COL19A1: variants seen among roughly 807,000 people sequenced by gnomAD.
COL19A1 encodes collagen type XIX alpha 1 chain.
Under a neutral mutation model 190.2 loss-of-function variants are expected in COL19A1, and 159 were observed. The observed-to-expected ratio is 0.84, with a 90% CI of 0.73 to 0.95. The LOEUF is 0.95. COL19A1 is among the 40% of genes least tolerant of loss of function. COL19A1 has a pLI of 0.00. For synonymous variants in COL19A1, 509 were observed against 458.9 expected (o/e 1.11, Z -1.39); for missense variants, 1,418 against 1,431.9 (o/e 0.99, Z 0.16).
At chr6:69,980,360 C>T (rs11969894) in intron 11 of COL19A1, among the ~76,000 whole-genome samples, 5,387 of 152,016 alleles carry the variant, frequency 0.035, 304 homozygotes, top group African/African-American at 0.12. Context: ...TTGGCACTAC[C>T]GAGTCTATCC....
At chr6:69,889,483 T>A (rs532538376) in intron 2 of COL19A1, among the ~76,000 whole-genome samples, 9 of 152,194 alleles carry the variant, frequency 5.9e-5, no homozygotes, top group Non-Finnish European at 1.3e-4. Context: ...CTTGGAGAAC[T>A]TTTCTGTCTA....
chr6:69,996,597 G>A (rs1268313794), intron 11 of COL19A1, among the ~76,000 whole-genome samples: 2 of 151,902 alleles, frequency 1.3e-5, no homozygotes, highest in Non-Finnish European at 2.9e-5. Flanking sequence ...CACTATACAT[G>A]TATTTTTTTA....
At chr6:70,065,593 C>A (rs551663296) in intron 14 of COL19A1, among the ~76,000 whole-genome samples, 10 of 152,164 alleles carry the variant, frequency 6.6e-5, no homozygotes, top group East Asian at 1.9e-4. Context: ...GCAACAAAAG[C>A]CAAAATTGAC....
intron 11 of COL19A1, among the ~76,000 whole-genome samples, chr6:70,007,875 T>G (rs760352899): frequency 1.3e-5 from 2 of 151,932 alleles, no homozygotes; most frequent in Non-Finnish European, 2.9e-5. Flanking sequence ...ATAAAGTATG[T>G]TTTTGGTCAC....
intron 15 of COL19A1, among the ~76,000 whole-genome samples, chr6:70,095,590 G>A (rs966847186): frequency 5.9e-5 from 9 of 152,168 alleles, no homozygotes; most frequent in Admixed American, 2.0e-4. Context: ...ATACACTTCA[G>A]TAGTGTCAAG....
chr6:70,187,327 C>T (rs59200511), intron 46 of COL19A1, among the ~76,000 whole-genome samples: 72 of 98,088 alleles, frequency 7.3e-4, no homozygotes, highest in African/African-American at 2.5e-3. Context: ...TCACACTCAA[C>T]GTGCACACAC....
chr6:70,033,157 C>T (rs776573484), intron 12 of COL19A1, among the ~76,000 whole-genome samples: 1 of 152,020 alleles, frequency 6.6e-6, no homozygotes, highest in Non-Finnish European at 1.5e-5. Context: ...AAATGTTTTT[C>T]TTAAAGTATA....
At chr6:70,134,966 C>A (rs1227945447) in intron 18 of COL19A1, among the ~76,000 whole-genome samples, 1 of 138,554 alleles carries the variant, frequency 7.2e-6, no homozygotes, top group African/African-American at 2.6e-5. Flanking sequence ...ATCGAAAGCC[C>A]CGTGTTGTTT....
intron 15 of COL19A1, among the ~76,000 whole-genome samples, chr6:70,070,920 C>A (rs3806003): frequency 0.22 from 32,759 of 151,946 alleles, 6,850 homozygotes; most frequent in African/African-American, 0.55. Context: ...ATGTTAAAAA[C>A]CTCTTGTATT....
chr6:70,005,979 C>G (rs894850121), intron 11 of COL19A1, among the ~76,000 whole-genome samples: 11 of 152,138 alleles, frequency 7.2e-5, no homozygotes, highest in Non-Finnish European at 1.6e-4. Flanking sequence ...TGGGGGATAC[C>G]TATTGGGACC....
intron 14 of COL19A1, among the ~76,000 whole-genome samples, chr6:70,048,376 G>A (rs929524924): frequency 2.0e-5 from 3 of 152,008 alleles, no homozygotes; most frequent in Non-Finnish European, 4.4e-5. Flanking sequence ...AAGTGATATG[G>A]TCCCTTTCCT....
At chr6:70,025,946 A>C (rs1778710631) in intron 12 of COL19A1, among the ~76,000 whole-genome samples, 1 of 152,210 alleles carries the variant, frequency 6.6e-6, no homozygotes, top group South Asian at 2.1e-4. Context: ...GTTCTGTGTG[A>C]GAAGGATACT....
rs1381053689 is a variant in COL19A1, at chr6:70,023,537, T to C, written c.1027-90T>C. 12 of 1,047,854 alleles carry C rather than the reference T, an allele frequency of 1.1e-5. No homozygotes were observed. In the Admixed American group the frequency reaches 2.6e-4, roughly 23 times the overall value. The allele number at this position is 1,047,854 out of a possible 1,614,324, so 64.9% of individuals were successfully genotyped here. A position where few individuals can be genotyped will look rare whatever the true frequency, so the allele number is the denominator to read the frequency against. ...AGGGTTTAGCAAAGTAATCATATTG[T>C]TATAAATACCCAACCAACATAACTT... On this transcript the variant is annotated intron_variant, in intron 11 of 50. Coordinates refer to ENST00000620364, the MANE Select transcript of COL19A1 (RefSeq NM_001858.6).
intron 4 of COL19A1, among the ~76,000 whole-genome samples, chr6:69,924,691 C>G (rs1213675911): frequency 6.6e-6 from 1 of 152,222 alleles, no homozygotes; most frequent in East Asian, 1.9e-4. Flanking sequence ...AACTAGTTCA[C>G]AGTCCCACCA....
intron 15 of COL19A1, among the ~76,000 whole-genome samples, chr6:70,085,365 T>A (rs765669842): frequency 6.6e-5 from 10 of 152,184 alleles, no homozygotes; most frequent in Non-Finnish European, 1.3e-4. Flanking sequence ...TGGAGCTCTG[T>A]CTCCTGAGTC....
intron 15 of COL19A1, among the ~76,000 whole-genome samples, chr6:70,095,231 T>G (rs909301902): frequency 6.6e-6 from 1 of 152,224 alleles, no homozygotes; most frequent in Non-Finnish European, 1.5e-5. Flanking sequence ...ATCAAATATA[T>G]ACTTTTCCAT....
intron 26 of COL19A1, 28 bp from the exon 27 acceptor site, chr6:70,146,784 G>T: frequency 6.3e-7 from 1 of 1,590,440 alleles, no homozygotes; most frequent in Non-Finnish European, 8.5e-7. Flanking sequence ...CTTGAGCCTT[G>T]CAGTAACAGA....
At chr6:70,180,629 A>T (rs972362036) in intron 44 of COL19A1, 106 bp downstream of exon 44, 1 of 1,189,748 alleles carries the variant, frequency 8.4e-7, no homozygotes, top group Non-Finnish European at 1.2e-6. Flanking sequence ...GCAGTTTCCA[A>T]GGAGTAAGAA....
intron 14 of COL19A1, among the ~76,000 whole-genome samples, chr6:70,055,017 T>A (rs1780411969): frequency 6.6e-6 from 1 of 152,146 alleles, no homozygotes; most frequent in South Asian, 2.1e-4. Flanking sequence ...ACAACTCACA[T>A]CATAACAAAC....
Sources: gnomAD v4.1 joint callset for allele counts (sites outside exome capture counted in the v4.1 genomes callset) on GRCh38, gnomAD v4.1.1 for gene constraint, MANE v1.5 for transcripts, NCBI Gene and HGNC (gene_info 2026-07-23, HGNC 2026-07-21) for gene names.